The following PPARGC1A variants were observed in gnomAD, a reference collection of about 807,000 sequenced individuals.
PPARGC1A encodes the protein PPARG coactivator 1 alpha, also known as peroxisome proliferator-activated receptor gamma coactivator 1-alpha.
In PPARGC1A, 25 loss-of-function variants were observed where a neutral mutation model predicts 88.7. The ratio of observed to expected loss-of-function variants is 0.28; its 90% CI spans 0.21 to 0.39. PPARGC1A has a LOEUF of 0.39. Ranked by LOEUF, PPARGC1A falls within the 10% of genes least tolerant of loss-of-function variation. The pLI is 1.00. For missense variants in PPARGC1A, 880 were observed against 968.7 expected, an observed-to-expected ratio of 0.91 and a Z score of 1.22; for synonymous variants, 363 against 355.6, an observed-to-expected ratio of 1.02 and a Z score of -0.24.
At chr4:23,849,202 T>C (rs1728838774) in intron 2 of PPARGC1A, among the ~76,000 whole-genome samples, 1 of 152,224 alleles carries the variant, frequency 6.6e-6, no homozygotes, top group African/African-American at 2.4e-5. Flanking sequence ...AATGAGACAC[T>C]GAGCATAAAG....
the PPARGC1A span, among the ~76,000 whole-genome samples, chr4:24,156,726 TTCTCTC>T: frequency 2.0e-5 from 3 of 150,910 alleles, no homozygotes; most frequent in Non-Finnish European, 4.4e-5. Context: ...TTGCGGTCTT[TTCTCTC>T]TCTCTTTTTT....
the PPARGC1A span, among the ~76,000 whole-genome samples, chr4:24,006,357 T>C: frequency 6.6e-6 from 1 of 152,154 alleles, no homozygotes; most frequent in Admixed American, 6.5e-5. Context: ...CCAGTTTTCT[T>C]TCCATGGGGA....
chr4:23,889,122 G>A (rs2148850378), intron 1 of PPARGC1A: 1 of 985,330 alleles, frequency 1.0e-6, no homozygotes, highest in East Asian at 1.1e-4. Context: ...AGAGACTGTG[G>A]AATTGATGTA....
the PPARGC1A span, among the ~76,000 whole-genome samples, chr4:24,132,444 G>A: frequency 6.6e-6 from 1 of 152,120 alleles, no homozygotes; most frequent in East Asian, 1.9e-4. Context: ...CCTCTAAGTA[G>A]TTAAACAGTG....
chr4:24,157,920 T>A, the PPARGC1A span, among the ~76,000 whole-genome samples: 1 of 152,090 alleles, frequency 6.6e-6, no homozygotes, highest in African/African-American at 2.4e-5. Flanking sequence ...ATATCACTTT[T>A]CAATTTAAAA....
chr4:24,062,973 A>G, the PPARGC1A span, among the ~76,000 whole-genome samples: 1 of 152,210 alleles, frequency 6.6e-6, no homozygotes, highest in Admixed American at 6.5e-5. Context: ...ACACTTCTAG[A>G]ATTCCTAACC....
At chr4:24,394,840 T>G in the PPARGC1A span, among the ~76,000 whole-genome samples, 1 of 152,170 alleles carries the variant, frequency 6.6e-6, no homozygotes, top group African/African-American at 2.4e-5. Context: ...GATGCTAAAA[T>G]GTGGGGGAAA....
At chr4:23,949,454 G>A in the PPARGC1A span, among the ~76,000 whole-genome samples, 1 of 152,112 alleles carries the variant, frequency 6.6e-6, no homozygotes, top group Admixed American at 6.6e-5. Flanking sequence ...ATATGGCTAG[G>A]AACACTTGTG....
the PPARGC1A span, among the ~76,000 whole-genome samples, chr4:24,137,226 G>A: frequency 6.6e-6 from 1 of 152,132 alleles, no homozygotes; most frequent in Non-Finnish European, 1.5e-5. Context: ...CACACAGAAG[G>A]ATGGCCATGG....
chr4:24,109,546 T>C, the PPARGC1A span, among the ~76,000 whole-genome samples: 1 of 152,212 alleles, frequency 6.6e-6, no homozygotes, highest in Non-Finnish European at 1.5e-5. Context: ...ATTTATGGAA[T>C]AAGCTTTCAT....
At chr4:24,433,048 G>A in the PPARGC1A span, among the ~76,000 whole-genome samples, 6 of 152,168 alleles carry the variant, frequency 3.9e-5, no homozygotes, top group African/African-American at 1.2e-4. Context: ...AACTTCTGCC[G>A]ACTCTAATGC....
the PPARGC1A span, among the ~76,000 whole-genome samples, chr4:24,279,901 A>G: frequency 1.3e-5 from 2 of 152,144 alleles, no homozygotes. Context: ...CACTGAGAAA[A>G]GGGAATTTAA....
chr4:24,443,260 T>G, the PPARGC1A span, among the ~76,000 whole-genome samples: 614 of 152,078 alleles, frequency 4.0e-3, 6 homozygotes, highest in South Asian at 0.019. Flanking sequence ...ATGGGTTTTT[T>G]TTTTTTTTTT....
At chr4:24,472,166 C>A in the PPARGC1A span, among the ~76,000 whole-genome samples, 1 of 152,050 alleles carries the variant, frequency 6.6e-6, no homozygotes, top group Non-Finnish European at 1.5e-5. This position sits in a 1 kb window ranked among gnomAD's most constrained non-coding sequence, Gnocchi z 4.5. Flanking sequence ...ACGGGAGGAA[C>A]GCGACAGAAC....
the PPARGC1A span, among the ~76,000 whole-genome samples, chr4:24,103,327 C>T: frequency 3.9e-5 from 6 of 152,018 alleles, no homozygotes; most frequent in Non-Finnish European, 7.4e-5. Flanking sequence ...GCACCTGGCA[C>T]CAGATTAAAG....
the PPARGC1A span, among the ~76,000 whole-genome samples, chr4:24,047,267 T>C: frequency 6.6e-6 from 1 of 152,190 alleles, no homozygotes; most frequent in Non-Finnish European, 1.5e-5. Flanking sequence ...TATCACTGCT[T>C]GACATATTAT....
At chr4:23,916,011 A>G in the PPARGC1A span, among the ~76,000 whole-genome samples, 4 of 152,310 alleles carry the variant, frequency 2.6e-5, no homozygotes, top group Admixed American at 6.5e-5. Context: ...ATAGGTTTAT[A>G]AGCTGTGTGA....
rs1717178737 is a variant in PPARGC1A at position 23,794,587 on chromosome 4, T to C, written c.*1235A>G. ...TTCTAAATATGTTAGTGTACAATAA[T>C]TGTTTCACCTCATAATTACATTTGA... On this transcript the variant is annotated 3_prime_UTR_variant, in exon 13 of 13. Transcript: ENST00000264867. 6.6e-6 allele frequency: 1 copy of C among 152,590 alleles called. No individual in the cohort carries two copies. Among genetic ancestry groups the C allele is most frequent in the South Asian group, 2.1e-4 (1 of 4,830 alleles). The allele number at this position is 152,590 out of a possible 1,614,324, so 9.5% of individuals were successfully genotyped here.
At chr4:24,052,913 A>G in the PPARGC1A span, among the ~76,000 whole-genome samples, 13 of 118,458 alleles carry the variant, frequency 1.1e-4, no homozygotes, top group African/African-American at 2.9e-4. Context: ...ACCCAGGCTG[A>G]AGTGCAGTGG....
Sources: gnomAD v4.1 joint callset for allele counts (sites outside exome capture counted in the v4.1 genomes callset) on GRCh38, gnomAD v4.1.1 for gene constraint, Gnocchi (gnomAD v3.1) non-coding constraint, MANE v1.5 for transcripts, NCBI Gene and HGNC (gene_info 2026-07-23, HGNC 2026-07-21) for gene names.